Variants in GALNT17 observed in about 807,000 individuals in gnomAD.
GALNT17 encodes the protein UDP-GalNAc:polypeptide N-acetylgalactosaminyltransferase-like 3.
In GALNT17, 29 loss-of-function variants were observed where a neutral mutation model predicts 63.7. The observed-to-expected ratio is 0.46, with a 90% confidence interval of 0.34 to 0.62. The LOEUF (loss-of-function observed/expected upper bound fraction) is 0.62, where lower values mean the gene tolerates loss of function less well. GALNT17 is among the 20% of genes least tolerant of loss of function. The probability of loss-of-function intolerance (pLI) is 0.01; values close to 1 mark genes in which losing one functional copy is unlikely to be tolerated. For missense variants in GALNT17, 603 were observed against 799.6 expected, an observed-to-expected ratio of 0.75 and a Z score of 2.97; for synonymous variants, 305 against 318.3, an observed-to-expected ratio of 0.96 and a Z score of 0.45.
intron 1 of GALNT17, among the ~76,000 whole-genome samples, chr7:71,186,398 T>C (rs1788851745): frequency 6.6e-6 from 1 of 152,208 alleles, no homozygotes; most frequent in African/African-American, 2.4e-5. Flanking sequence ...CTCTGCTTCC[T>C]CTCACCCCTG....
intron 1 of GALNT17, among the ~76,000 whole-genome samples, chr7:71,202,768 C>T (rs191508413): frequency 3.9e-5 from 6 of 152,270 alleles, no homozygotes; most frequent in African/African-American, 1.4e-4. Context: ...GTAACAAAAC[C>T]CCACGGCCAC....
At chr7:71,185,145 G>T (rs1452341683) in intron 1 of GALNT17, among the ~76,000 whole-genome samples, 1 of 51,404 alleles carries the variant, frequency 1.9e-5, no homozygotes, top group African/African-American at 8.1e-5. Flanking sequence ...CTCCCCTCCC[G>T]TCCCCTCCCC....
At chr7:71,588,531 T>C (rs149167668) in intron 6 of GALNT17, among the ~76,000 whole-genome samples, 1 of 152,224 alleles carries the variant, frequency 6.6e-6, no homozygotes, top group African/African-American at 2.4e-5. Flanking sequence ...TTTTTTCTTT[T>C]CTACCGAGGC....
chr7:71,357,076 A>G (rs2527287), intron 2 of GALNT17, among the ~76,000 whole-genome samples: 4,790 of 152,166 alleles, frequency 0.031, 250 homozygotes, highest in African/African-American at 0.11. Flanking sequence ...ATGAGCCACC[A>G]TGCCTGGCCA....
intron 6 of GALNT17, among the ~76,000 whole-genome samples, chr7:71,622,788 G>A (rs1020501476): frequency 1.3e-5 from 2 of 152,150 alleles, no homozygotes; most frequent in African/African-American, 2.4e-5. Context: ...TCTCCCAGGC[G>A]AGTTCTAAGG....
intron 1 of GALNT17, among the ~76,000 whole-genome samples, chr7:71,141,888 A>ATG (rs1787901007): frequency 9.4e-6 from 1 of 106,766 alleles, no homozygotes; most frequent in African/African-American, 3.9e-5. Context: ...GTATGTGTGT[A>ATG]TTTTTAGTAG....
chr7:71,167,248 T>C (rs1788459045), intron 1 of GALNT17, among the ~76,000 whole-genome samples: 1 of 152,122 alleles, frequency 6.6e-6, no homozygotes, highest in East Asian at 1.9e-4. Context: ...TATAGGCAAG[T>C]TCCAGTTCCT....
chr7:71,141,821 T>C (rs1787897805), intron 1 of GALNT17, among the ~76,000 whole-genome samples: 1 of 149,206 alleles, frequency 6.7e-6, no homozygotes. Context: ...GGATTACAGG[T>C]ATGCGCCACC....
In GALNT17 at chr7:71,245,164, T is replaced by C. The variant is rs555356502; in HGVS notation, c.239-90386T>C. Among the ~76,000 whole-genome samples the C allele has an allele frequency of 3.9e-5, 6 of 152,270 alleles. No individual in the cohort carries two copies. The South Asian group carries it at 1.2e-3, about 32-fold the overall frequency. ...CTAAGTCTTTGGCACCCATCTGCCC[T>C]CGTCCTCCATCCACTCGCTTGGTGG... On this transcript the variant is annotated intron_variant, in intron 1 of 10. Coordinates refer to ENST00000333538, the MANE Select transcript of GALNT17 (RefSeq NM_022479.3).
chr7:71,176,873 T>G (rs567906829), intron 1 of GALNT17, among the ~76,000 whole-genome samples: 2 of 152,300 alleles, frequency 1.3e-5, no homozygotes, highest in African/African-American at 4.8e-5. Context: ...ATTTGAGCAC[T>G]TACGGTATGC....
intron 5 of GALNT17, among the ~76,000 whole-genome samples, chr7:71,502,623 A>ATGCCCAAGGAGCTCCTGG (rs1788199250): frequency 6.6e-6 from 1 of 152,170 alleles, no homozygotes; most frequent in Non-Finnish European, 1.5e-5. Flanking sequence ...ACAGAAAATG[A>ATGCCCAAGGAGCTCCTGG]TGCCCAAGGA....
intron 5 of GALNT17, 126 bp from the exon 6 acceptor site, chr7:71,571,136 ACCCAGTACATGCTAGGCTGGAAC>A: frequency 1.6e-6 from 1 of 606,350 alleles, no homozygotes. Flanking sequence ...CTAGGCTGGA[ACCCAGTACATGCTAGGCTGGAAC>A]CCAGTACATG....
At chr7:71,312,961 T>C (rs1791435901) in intron 1 of GALNT17, among the ~76,000 whole-genome samples, 1 of 152,002 alleles carries the variant, frequency 6.6e-6, no homozygotes, top group Admixed American at 6.6e-5. Flanking sequence ...GTAAGAATAT[T>C]AGCTGGGCAT....
At chr7:71,534,101 C>T (rs114600688) in intron 5 of GALNT17, among the ~76,000 whole-genome samples, 4 of 152,140 alleles carry the variant, frequency 2.6e-5, no homozygotes, top group East Asian at 3.9e-4. Flanking sequence ...GTAAGGTGTT[C>T]GTCTGTTCTC....
At chr7:71,374,851 T>C (rs78397542) in intron 2 of GALNT17, among the ~76,000 whole-genome samples, 1 of 149,674 alleles carries the variant, frequency 6.7e-6, no homozygotes, top group East Asian at 2.0e-4. Context: ...TTTTTTTTTT[T>C]TTTTTTGAGA....
intron 1 of GALNT17, among the ~76,000 whole-genome samples, chr7:71,335,096 C>G (rs1791874242): frequency 6.6e-6 from 1 of 152,078 alleles, no homozygotes; most frequent in South Asian, 2.1e-4. Context: ...CCATCTCATC[C>G]CAGTCCCCAA....
chr7:71,592,209 G>A (rs898104026), intron 6 of GALNT17, among the ~76,000 whole-genome samples: 5 of 152,154 alleles, frequency 3.3e-5, no homozygotes, highest in African/African-American at 1.2e-4. Flanking sequence ...GAGCCAGGAA[G>A]ACCAGAGGAA....
chr7:71,491,936 G>A lies in GALNT17; in HGVS notation c.962+70831G>A, dbSNP rs1016894902. ...CTTTGGAGGCCAAGGTGGGAGGATC[G>A]CTTGAGCCCAGGAATTCAAGACCAG... On this transcript the variant is annotated intron_variant, in intron 5 of 10. Coordinates refer to ENST00000333538, the MANE Select transcript of GALNT17 (RefSeq NM_022479.3). 7.9e-5 allele frequency among the ~76,000 whole-genome samples: 12 copies of A among 152,014 alleles called. No homozygotes were observed. In the South Asian group the frequency reaches 1.0e-3, roughly 13 times the overall value.
chr7:71,411,208 C>T (rs1241221200), intron 3 of GALNT17, among the ~76,000 whole-genome samples: 7 of 152,014 alleles, frequency 4.6e-5, no homozygotes, highest in Non-Finnish European at 1.0e-4. Flanking sequence ...GCAACCCCTG[C>T]CCCCTGGGTT....
Sources: gnomAD v4.1 joint callset for allele counts (sites outside exome capture counted in the v4.1 genomes callset) on GRCh38, gnomAD v4.1.1 for gene constraint, MANE v1.5 for transcripts, NCBI Gene and HGNC (gene_info 2026-07-23, HGNC 2026-07-21) for gene names.